YTHDC1: variants seen among roughly 807,000 people sequenced by gnomAD.
The protein encoded by YTHDC1 is YTH domain-containing protein 1.
YTHDC1 carries 12 observed loss-of-function variants against 107.0 expected under a neutral mutation model. The observed-to-expected ratio is 0.11, with a 90% CI of 0.07 to 0.18. YTHDC1 has a LOEUF of 0.18. Ranked by LOEUF, YTHDC1 falls within the 10% of genes least tolerant of loss-of-function variation. The pLI, the probability that YTHDC1 is intolerant of heterozygous loss-of-function variation, is 1.00. For synonymous variants in YTHDC1, 280 were observed against 289.5 expected (o/e 0.97, Z 0.33); for missense variants, 635 against 898.8 (o/e 0.71, Z 3.75).
In YTHDC1 at chr4:68,332,748, T is replaced by C. The variant is rs759367562; in HGVS notation, c.1027+46A>G. On this transcript the variant is annotated intron_variant, in intron 6 of 16. Transcript: ENST00000344157. The stretch of plus-strand genomic sequence containing the variant: ...ATGGAGAACCAATAAGGAAAAATAA[T>C]GACTATGCAGCATGCAATGAAAACA... 19 of 1,563,936 alleles carry C rather than the reference T, an allele frequency of 1.2e-5. No homozygotes were observed. In the South Asian group the frequency reaches 2.1e-4, roughly 18 times the overall value.
chr4:68,335,325 A>T (rs910086609), intron 4 of YTHDC1, among the ~76,000 whole-genome samples: 1 of 152,190 alleles, frequency 6.6e-6, no homozygotes, highest in Admixed American at 6.5e-5. Flanking sequence ...TATAGTACCT[A>T]AAGCATGTTC....
intron 1 of YTHDC1, among the ~76,000 whole-genome samples, chr4:68,347,063 C>G (rs1018956066): frequency 3.3e-5 from 5 of 152,154 alleles, no homozygotes; most frequent in African/African-American, 1.2e-4. Context: ...GAAGTCCAAC[C>G]TGGTAAATAC....
At chr4:68,347,974 A>G (rs1725635418) in intron 1 of YTHDC1, among the ~76,000 whole-genome samples, 1 of 152,248 alleles carries the variant, frequency 6.6e-6, no homozygotes, top group African/African-American at 2.4e-5. Context: ...AAGTTTTTAA[A>G]TAAAGTTATG....
intron 11 of YTHDC1, among the ~76,000 whole-genome samples, chr4:68,321,004 TTACTGAC>T (rs1722392513): frequency 6.6e-6 from 1 of 152,146 alleles, no homozygotes; most frequent in Middle Eastern, 3.2e-3. Flanking sequence ...AGGTGAAACT[TTACTGAC>T]TACAGAGGGC....
At chr4:68,349,114 C>T (rs2109755762) in intron 1 of YTHDC1, among the ~76,000 whole-genome samples, 1 of 152,292 alleles carries the variant, frequency 6.6e-6, no homozygotes, top group East Asian at 1.9e-4. Flanking sequence ...GATTTCTTTG[C>T]CAGCCTAAGT....
Position 68,333,336 on chromosome 4 carries a change from A to G in YTHDC1, c.945T>C (p.Ser315=). 1 of 1,613,034 alleles carries G rather than the reference A, an allele frequency of 6.2e-7. No individual in the cohort carries two copies. Among genetic ancestry groups the G allele is most frequent in the East Asian group, 2.2e-5 (1 of 44,812 alleles). The change falls in exon 5 of 17, where the codon AGT becomes AGC. Residue 315 remains serine (S), a synonymous_variant. Transcript: ENST00000344157. ...CATATGACTCTGATGCAGAGCTTCC[A>G]CTTCTATCAAAAACAATTGGAGATA... The part of the protein sequence containing the change: ...RGISPIVFDR[S]GSSASESYAG...
intron 9 of YTHDC1, among the ~76,000 whole-genome samples, chr4:68,327,035 G>A (rs1260004921): frequency 2.0e-5 from 3 of 150,610 alleles, no homozygotes; most frequent in African/African-American, 4.9e-5. Context: ...TCGGGAGTTC[G>A]AGACCAGCCT....
rs577851818 is a variant in YTHDC1 at position 68,337,827 on chromosome 4, T to C, written c.204A>G (p.Gln68=). The C allele has an allele frequency of 1.5e-5, 25 of 1,614,120 alleles. No homozygotes were observed. Among genetic ancestry groups the C allele is most frequent in the South Asian group, 4.4e-5 (4 of 91,082 alleles). ...ATGAGCTCAGTGGCTTAGAAACCAG[T>C]TGTCTAGAATGGACAGAAGGCTTTT... is the stretch of plus-strand genomic sequence containing the variant. ...KRQKPSVHSR[Q]LVSKPLSSSV... Residue 68 remains glutamine, a synonymous_variant, in exon 3 of 17, where the codon CAA becomes CAG. Coordinates refer to ENST00000344157, the MANE Select transcript of YTHDC1 (RefSeq NM_001031732.4).
At chr4:68,347,015 T>C (rs1411355272) in intron 1 of YTHDC1, among the ~76,000 whole-genome samples, 2 of 152,204 alleles carry the variant, frequency 1.3e-5, no homozygotes, top group Non-Finnish European at 2.9e-5. Flanking sequence ...TTAGCTTTCG[T>C]TATCATACTG....
chr4:68,317,148 CAGG>C (rs2109679056), intron 15 of YTHDC1, among the ~76,000 whole-genome samples: 1 of 152,204 alleles, frequency 6.6e-6, no homozygotes, highest in South Asian at 2.1e-4. Flanking sequence ...CACTTGTGCC[CAGG>C]AGTTCAAGGC....
chr4:68,326,213 C>T (rs915121936), intron 9 of YTHDC1, among the ~76,000 whole-genome samples: 4 of 152,092 alleles, frequency 2.6e-5, no homozygotes, highest in African/African-American at 9.7e-5. Flanking sequence ...ATAGGCCAAG[C>T]TAAATGTATC....
In YTHDC1 at chr4:68,313,901, G is replaced by T. The variant is rs1721521415; in HGVS notation, c.*198C>A. On this transcript the variant is annotated 3_prime_UTR_variant, in exon 17 of 17. Coordinates refer to ENST00000344157, the MANE Select transcript of YTHDC1 (RefSeq NM_001031732.4). ...AAAAGTGTCAATTCAACTGTCAGCT[G>T]TGGATTTTTGGCGGATTTGAGTTTT... The T allele has an allele frequency of 1.6e-6, 1 of 613,264 alleles. No homozygotes were observed. Among genetic ancestry groups the T allele is most frequent in the East Asian group, 2.7e-5 (1 of 36,424 alleles). The allele number at this position is 613,264 out of a possible 1,614,324, so 38.0% of individuals were successfully genotyped here.
Position 68,330,298 on chromosome 4 carries a change from T to A in YTHDC1, c.1135A>T (p.Thr379Ser). 1 of 1,595,774 alleles carries A rather than the reference T, an allele frequency of 6.3e-7. No homozygotes were observed. The highest frequency in any genetic ancestry group is 8.5e-7 in the Non-Finnish European group (1 of 1,170,828). The change falls in exon 8 of 17, where the codon ACG (threonine) becomes TCG (serine). Residue 379 changes from threonine (T) to serine (S), a missense_variant. Physicochemically the swap from Thr to Ser is moderately conservative, Grantham distance 58. Transcript: ENST00000344157. ...AATTTCTTCTCATTTACAGGGAGCG[T>A]GGACCATACACCCTACATAAATAAC... ...SLAKAKGVWS[T>S]LPVNEKKLNL...
At position 68,313,129 on chromosome 4, in the gene YTHDC1, T is replaced by C. The variant is rs1411773145; in HGVS notation, c.*970A>G. Reference sequence around the variant, plus strand: ...TACTTAACCAAATTATTAACATAACTCTGTGTATCTTATGTTAGAAATAGA... The same window carrying C: ...TACTTAACCAAATTATTAACATAACCCTGTGTATCTTATGTTAGAAATAGA... On this transcript the variant is annotated 3_prime_UTR_variant, in exon 17 of 17. Transcript: ENST00000344157. 1 of 152,196 alleles carries C rather than the reference T, an allele frequency of 6.6e-6. No homozygotes were observed. Among genetic ancestry groups the C allele is most frequent in the Non-Finnish European group, 1.5e-5 (1 of 68,034 alleles). The allele number at this position is 152,196 out of a possible 1,614,324, so 9.4% of individuals were successfully genotyped here.
chr4:68,330,324 A>G lies in YTHDC1; in HGVS notation c.1123-14T>C. On this transcript the variant is annotated splice_polypyrimidine_tract_variant and intron_variant, in intron 7 of 16. Transcript: ENST00000344157. The stretch of plus-strand genomic sequence containing the variant: ...GGACCATACACCCTACATAAATAAC[A>G]TAAAGACCACAAAGTGAAATTAACT... 6.8e-7 allele frequency: 1 copy of G among 1,471,964 alleles called. No homozygotes were observed. The highest frequency in any genetic ancestry group is 9.1e-7 in the Non-Finnish European group (1 of 1,096,454). The allele number at this position is 1,471,964 out of a possible 1,614,324, so 91.2% of individuals were successfully genotyped here. A position where few individuals can be genotyped will look rare whatever the true frequency, so the allele number is the denominator to read the frequency against.
In YTHDC1 at chr4:68,349,917, G is replaced by A; in HGVS notation, c.-164C>T. 1.1e-6 allele frequency: 1 copy of A among 916,188 alleles called. No individual in the cohort carries two copies. The highest frequency in any genetic ancestry group is 1.5e-5 in the South Asian group (1 of 65,210). 56.8% of individuals were successfully genotyped at this position (916,188 alleles called of 1,614,324 possible). A position where few individuals can be genotyped will look rare whatever the true frequency, so the allele number is the denominator to read the frequency against. On this transcript the variant is annotated 5_prime_UTR_variant, in exon 1 of 17. Coordinates refer to ENST00000344157, the MANE Select transcript of YTHDC1 (RefSeq NM_001031732.4). ...ACACTCAGCCTTCTCGACTCTTCCCGCTTTTTCCCTTTCTCCCTTCCTTTC... is the reference window on the plus strand; with the variant it reads ...ACACTCAGCCTTCTCGACTCTTCCCACTTTTTCCCTTTCTCCCTTCCTTTC...
intron 1 of YTHDC1, 85 bp downstream of exon 1, chr4:68,349,641 C>T (rs1455656528): frequency 4.8e-5 from 19 of 395,114 alleles, no homozygotes; most frequent in Non-Finnish European, 9.3e-5. Context: ...ACCCCCACCC[C>T]CCACCCCCAA....
At chr4:68,334,145 T>A (rs1191775295) in intron 4 of YTHDC1, among the ~76,000 whole-genome samples, 2 of 151,890 alleles carry the variant, frequency 1.3e-5, no homozygotes, top group Non-Finnish European at 2.9e-5. Context: ...ACATGAGGAC[T>A]TGAAATGGAA....
chr4:68,332,347 T>C, intron 6 of YTHDC1, 150 bp from the exon 7 acceptor site: 1 of 490,386 alleles, frequency 2.0e-6, no homozygotes, highest in Non-Finnish European at 3.6e-6. Context: ...CTAAGCCACA[T>C]GTAATAAAGC....
Sources: allele counts gnomAD v4.1 joint callset (sites outside exome capture counted in the v4.1 genomes callset), GRCh38; gene constraint gnomAD v4.1.1; transcripts MANE v1.5; gene names NCBI Gene and HGNC (gene_info 2026-07-23, HGNC 2026-07-21).